Variants in TNIK observed in about 807,000 individuals in gnomAD.
TNIK encodes TRAF2 and NCK interacting kinase.
Under a neutral mutation model 191.3 loss-of-function variants are expected in TNIK, and 49 were observed. The observed-to-expected ratio is 0.26, with a 90% CI of 0.20 to 0.32. TNIK has a LOEUF of 0.32. Ranked by LOEUF, TNIK falls within the 10% of genes least tolerant of loss-of-function variation. The probability of loss-of-function intolerance (pLI) is 1.00; values close to 1 mark genes in which losing one functional copy is unlikely to be tolerated. For missense variants in TNIK, 1,155 were observed against 1,702.3 expected, an observed-to-expected ratio of 0.68 and a Z score of 5.66; for synonymous variants, 594 against 600.9, an observed-to-expected ratio of 0.99 and a Z score of 0.17.
intron 2 of TNIK, among the ~76,000 whole-genome samples, chr3:171,298,737 A>T (rs1752581946): frequency 6.6e-6 from 1 of 152,160 alleles, no homozygotes; most frequent in African/African-American, 2.4e-5. Flanking sequence ...ACAAAATACA[A>T]ACCTTTGTGT....
chr3:171,347,441 G>GCTCAGA (rs2108426318), intron 2 of TNIK, among the ~76,000 whole-genome samples: 1 of 150,706 alleles, frequency 6.6e-6, no homozygotes, highest in South Asian at 2.1e-4. Context: ...AAGCCAACAG[G>GCTCAGA]CTACATTAGA....
At chr3:171,335,492 C>T (rs1014663584) in intron 2 of TNIK, among the ~76,000 whole-genome samples, 5 of 152,182 alleles carry the variant, frequency 3.3e-5, no homozygotes, top group African/African-American at 1.2e-4. Context: ...TTTGCCTTTT[C>T]TGAAATGTGA....
At chr3:171,080,439 A>ATTTT (rs1243166627) in intron 27 of TNIK, among the ~76,000 whole-genome samples, 1 of 147,616 alleles carries the variant, frequency 6.8e-6, no homozygotes, top group African/African-American at 2.6e-5. Context: ...TTATTTATTT[A>ATTTT]TTTATTTTTT....
chr3:171,327,277 C>T (rs180692852), intron 2 of TNIK, among the ~76,000 whole-genome samples: 99 of 152,272 alleles, frequency 6.5e-4, no homozygotes, highest in African/African-American at 2.4e-3. Context: ...CACTGGTGAC[C>T]TGCAAAAAAT....
intron 1 of TNIK, among the ~76,000 whole-genome samples, chr3:171,392,760 C>G (rs540872449): frequency 8.4e-6 from 1 of 119,598 alleles, no homozygotes; most frequent in Non-Finnish European, 1.6e-5. Flanking sequence ...GCCTGGGTGA[C>G]AGAACGAGAT....
chr3:171,097,531 T>A (rs1426182386), intron 22 of TNIK, among the ~76,000 whole-genome samples: 1 of 151,890 alleles, frequency 6.6e-6, no homozygotes, highest in Non-Finnish European at 1.5e-5. Context: ...ATCATGGAGG[T>A]GGGTTTTTCC....
chr3:171,283,264 A>C (rs1750670174), intron 2 of TNIK, among the ~76,000 whole-genome samples: 1 of 152,036 alleles, frequency 6.6e-6, no homozygotes, highest in Non-Finnish European at 1.5e-5. Context: ...GTTCTCTGAA[A>C]TGTTTCCTGG....
intron 2 of TNIK, among the ~76,000 whole-genome samples, chr3:171,338,152 C>T (rs1287058875): frequency 6.6e-6 from 1 of 151,004 alleles, no homozygotes; most frequent in Admixed American, 6.6e-5. Flanking sequence ...CACTCCAAGT[C>T]TTTGATTTCC....
chr3:171,369,843 T>G (rs1248633903), intron 1 of TNIK, among the ~76,000 whole-genome samples, 158 bp from the exon 2 acceptor site: 1 of 152,232 alleles, frequency 6.6e-6, no homozygotes, highest in African/African-American at 2.4e-5. Flanking sequence ...TTTTAAAATT[T>G]AAGTCAGCTG....
intron 12 of TNIK, among the ~76,000 whole-genome samples, chr3:171,141,268 C>G (rs1576942726): frequency 6.6e-6 from 1 of 152,140 alleles, no homozygotes; most frequent in Non-Finnish European, 1.5e-5. Flanking sequence ...TCACTATTAT[C>G]TCCATTTTAT....
chr3:171,169,725 G>C lies in TNIK; in HGVS notation c.774-2455C>G, dbSNP rs374576564. On this transcript the variant is annotated intron_variant, in intron 9 of 32. Coordinates refer to ENST00000436636, the MANE Select transcript of TNIK (RefSeq NM_015028.4). ...AAAATAACAGTCAGAGAAATCTCCA[G>C]ATCTCCAGAATGGAATAGTGTTCAA... Among the ~76,000 whole-genome samples, 14 of 152,280 alleles carry C rather than the reference G, an allele frequency of 9.2e-5. No individual in the cohort carries two copies. In the South Asian group the frequency reaches 2.9e-3, roughly 32 times the overall value.
At chr3:171,400,777 G>A (rs1414607128) in intron 1 of TNIK, among the ~76,000 whole-genome samples, 1 of 152,120 alleles carries the variant, frequency 6.6e-6, no homozygotes, top group East Asian at 1.9e-4. Flanking sequence ...GTGTCACAAA[G>A]ACAAGGAAAG....
At chr3:171,085,290 A>G in intron 24 of TNIK, 61 bp from the exon 25 acceptor site, 1 of 1,455,512 alleles carries the variant, frequency 6.9e-7, no homozygotes, top group Non-Finnish European at 9.3e-7. Context: ...AACAATGCTA[A>G]CAATACTGTG....
chr3:171,073,877 G>A (rs1719547251), intron 28 of TNIK, among the ~76,000 whole-genome samples: 1 of 151,684 alleles, frequency 6.6e-6, no homozygotes, highest in African/African-American at 2.4e-5. Flanking sequence ...TGGTGAGGCT[G>A]CAGAGAAAAG....
intron 2 of TNIK, among the ~76,000 whole-genome samples, chr3:171,359,560 A>G (rs1714664605): frequency 6.6e-6 from 1 of 152,202 alleles, no homozygotes; most frequent in Admixed American, 6.5e-5. Flanking sequence ...AAGCAATATC[A>G]GAGGCCACTG....
intron 3 of TNIK, among the ~76,000 whole-genome samples, chr3:171,212,140 A>G (rs1740906540): frequency 6.6e-6 from 1 of 152,130 alleles, no homozygotes; most frequent in Non-Finnish European, 1.5e-5. Flanking sequence ...TGACATTATC[A>G]TGACCTGAAA....
chr3:171,134,935 A>G (rs1053542043), intron 15 of TNIK, among the ~76,000 whole-genome samples: 34 of 152,344 alleles, frequency 2.2e-4, no homozygotes, highest in African/African-American at 8.2e-4. Flanking sequence ...ATGAGACGGC[A>G]TAGAGCTGAG....
intron 1 of TNIK, among the ~76,000 whole-genome samples, chr3:171,377,426 T>G (rs1306454545): frequency 6.6e-6 from 1 of 152,220 alleles, no homozygotes; most frequent in Admixed American, 6.5e-5. Flanking sequence ...CAGCCTGTCC[T>G]CACAAAGTCG....
chr3:171,324,631 T>A (rs1052296999), intron 2 of TNIK, among the ~76,000 whole-genome samples: 4 of 152,054 alleles, frequency 2.6e-5, no homozygotes, highest in Non-Finnish European at 4.4e-5. Context: ...CTAAAAAGGT[T>A]CTATTATTCA....
Sources: allele counts gnomAD v4.1 joint callset (sites outside exome capture counted in the v4.1 genomes callset), GRCh38; gene constraint gnomAD v4.1.1; transcripts MANE v1.5; gene names NCBI Gene and HGNC (gene_info 2026-07-23, HGNC 2026-07-21).